Variants in GPRIN3 observed in about 807,000 individuals in gnomAD.
The protein encoded by GPRIN3 is GPRIN family member 3, also known as G protein-regulated inducer of neurite outgrowth 3.
In GPRIN3, 12 loss-of-function variants were observed where a neutral mutation model predicts 13.7. That is an observed-to-expected ratio of 0.87 (90% CI 0.56 to 1.42). GPRIN3 has a LOEUF of 1.42. Among genes scored for constraint, GPRIN3 ranks in the 40% most tolerant of loss-of-function variants. The pLI, the probability that GPRIN3 is intolerant of heterozygous loss-of-function variation, is 0.00. For synonymous variants in GPRIN3, 377 were observed against 372.7 expected, an observed-to-expected ratio of 1.01 and a Z score of -0.13; for missense variants, 1,009 against 958.7, an observed-to-expected ratio of 1.05 and a Z score of -0.69.
At chr4:89,261,825 T>C (rs1723635580) in intron 1 of GPRIN3, among the ~76,000 whole-genome samples, 1 of 152,054 alleles carries the variant, frequency 6.6e-6, no homozygotes, top group African/African-American at 2.4e-5. Flanking sequence ...TAAGAATTGA[T>C]ATGGGGCTGG....
At position 89,247,697 on chromosome 4, in the gene GPRIN3, GC is replaced by G; in HGVS notation, c.*82del. On this transcript the variant is annotated 3_prime_UTR_variant, in exon 2 of 2. Transcript: ENST00000609438. Reference sequence around the variant, plus strand: ...CTTGCTTTTTCTTCCTAGTCTTGCAGCAAAAAACTAAGCAAGCTTTGACATA... The same window carrying G: ...CTTGCTTTTTCTTCCTAGTCTTGCAGAAAAAACTAAGCAAGCTTTGACATA... 1 of 1,398,116 alleles carries G rather than the reference GC, an allele frequency of 7.2e-7. No individual in the cohort carries two copies. The allele number at this position is 1,398,116 out of a possible 1,614,324, so 86.6% of individuals were successfully genotyped here. A position where few individuals can be genotyped will look rare whatever the true frequency, so the allele number is the denominator to read the frequency against.
intron 1 of GPRIN3, among the ~76,000 whole-genome samples, chr4:89,256,516 A>T (rs1723469768): frequency 1.3e-5 from 2 of 152,190 alleles, no homozygotes; most frequent in Admixed American, 1.3e-4. Flanking sequence ...AGCCACGCTG[A>T]TGGGAAGAGC....
Position 89,273,811 on chromosome 4 carries a change from G to A in GPRIN3, c.-123-23578C>T, listed in dbSNP as rs536318814. Among the ~76,000 whole-genome samples the A allele has an allele frequency of 3.3e-5, 5 of 152,334 alleles. No homozygotes were observed. The South Asian group carries it at 1.0e-3, about 32-fold the overall frequency. On this transcript the variant is annotated intron_variant, in intron 1 of 1. Coordinates refer to ENST00000609438, the MANE Select transcript of GPRIN3 (RefSeq NM_198281.3). The stretch of plus-strand genomic sequence containing the variant: ...CTCACGAACCTCCTGGAAATGACCT[G>A]TGTGTACAACACCCATGACTAATAT...
intron 1 of GPRIN3, among the ~76,000 whole-genome samples, chr4:89,278,692 G>T (rs1310823258): frequency 1.3e-5 from 2 of 152,190 alleles, no homozygotes; most frequent in Non-Finnish European, 2.9e-5. Context: ...TATATAGTAG[G>T]TACTGCTATT....
At chr4:89,301,555 A>G (rs1424884983) in intron 1 of GPRIN3, among the ~76,000 whole-genome samples, 1 of 152,238 alleles carries the variant, frequency 6.6e-6, no homozygotes, top group Admixed American at 6.5e-5. Flanking sequence ...TATACATTAT[A>G]AAGAAAGAGA....
At position 89,248,178 on chromosome 4, in the gene GPRIN3, G is replaced by T. The variant is rs1228095331; in HGVS notation, c.1933C>A (p.Gln645Lys). The T allele has an allele frequency of 6.2e-7, 1 of 1,614,134 alleles. No homozygotes were observed. ...PSRVSEFLKE[Q>K]KLNVTAAAAQ... Reference sequence around the variant, plus strand: ...GCAGCTGCTGTCACATTTAACTTTTGCTCCTTGAGGAACTCGCTGACGCGG... The same window carrying T: ...GCAGCTGCTGTCACATTTAACTTTTTCTCCTTGAGGAACTCGCTGACGCGG... Residue 645 changes from glutamine (Q) to lysine (K), a missense_variant, in exon 2 of 2, where the codon CAA becomes AAA. By Grantham distance (53) the Gln-to-Lys change is moderately conservative (BLOSUM62 1). Transcript: ENST00000609438.
chr4:89,263,787 A>G (rs1225905114), intron 1 of GPRIN3, among the ~76,000 whole-genome samples: 3 of 152,346 alleles, frequency 2.0e-5, no homozygotes, highest in Admixed American at 1.3e-4. Flanking sequence ...ACTGAGGCCC[A>G]GAGAATTTCA....
At chr4:89,256,234 A>C (rs1328042809) in intron 1 of GPRIN3, among the ~76,000 whole-genome samples, 1 of 152,174 alleles carries the variant, frequency 6.6e-6, no homozygotes, top group African/African-American at 2.4e-5. Context: ...CTATATATCT[A>C]TATATATCTC....
chr4:89,263,520 T>A (rs987059822), intron 1 of GPRIN3, among the ~76,000 whole-genome samples: 8 of 152,178 alleles, frequency 5.3e-5, no homozygotes, highest in East Asian at 3.9e-4. Flanking sequence ...CAGGAAGCAC[T>A]GTAGCAGGGA....
At chr4:89,262,924 C>T (rs113071917) in intron 1 of GPRIN3, among the ~76,000 whole-genome samples, 16 of 151,996 alleles carry the variant, frequency 1.1e-4, no homozygotes, top group South Asian at 8.3e-4. Context: ...CAAACAACTA[C>T]GAAATTAAGT....
chr4:89,259,577 C>T (rs1723569997), intron 1 of GPRIN3, among the ~76,000 whole-genome samples: 1 of 152,198 alleles, frequency 6.6e-6, no homozygotes, highest in African/African-American at 2.4e-5. Context: ...TCCCAATTTT[C>T]TACAGGATAT....
intron 1 of GPRIN3, among the ~76,000 whole-genome samples, chr4:89,296,120 A>G (rs1724724444): frequency 6.6e-6 from 1 of 152,190 alleles, no homozygotes; most frequent in African/African-American, 2.4e-5. Context: ...TCTGAAAAGC[A>G]GTGCTCTCTA....
At position 89,246,302 on chromosome 4, in the gene GPRIN3, T is replaced by C. The variant is rs1390868142; in HGVS notation, c.*1478A>G. ...CCTCCAGCATCTAAGTCTGGTTTTC[T>C]AAACGCAAAATGGAGACCAGCACTC... On this transcript the variant is annotated 3_prime_UTR_variant, in exon 2 of 2. Transcript: ENST00000609438. 6.6e-6 allele frequency: 1 copy of C among 152,162 alleles called. No individual in the cohort carries two copies. The highest frequency in any genetic ancestry group is 1.5e-5 in the Non-Finnish European group (1 of 68,038). The allele number at this position is 152,162 out of a possible 1,614,324, so 9.4% of individuals were successfully genotyped here.
intron 1 of GPRIN3, among the ~76,000 whole-genome samples, chr4:89,270,850 G>A (rs1423420796): frequency 6.6e-6 from 1 of 151,896 alleles, no homozygotes; most frequent in East Asian, 1.9e-4. Context: ...AAAACAAAAA[G>A]TACTATGCAG....
chr4:89,283,901 G>A (rs1404944462), intron 1 of GPRIN3, among the ~76,000 whole-genome samples: 11 of 152,128 alleles, frequency 7.2e-5, no homozygotes, highest in South Asian at 6.2e-4. Flanking sequence ...GTAAAACTGC[G>A]GGGGGCTTTG....
chr4:89,292,621 C>A (rs1724606335), intron 1 of GPRIN3, among the ~76,000 whole-genome samples: 1 of 152,158 alleles, frequency 6.6e-6, no homozygotes. Context: ...GAAAGGTTCT[C>A]AGAAGACACA....
intron 1 of GPRIN3, among the ~76,000 whole-genome samples, chr4:89,272,824 T>G (rs533371371): frequency 2.0e-5 from 3 of 152,206 alleles, no homozygotes; most frequent in Non-Finnish European, 2.9e-5. Context: ...TTCAATTCTA[T>G]TCCATTTAAA....
At chr4:89,270,600 T>TATATATATATATAA (rs1328112008) in intron 1 of GPRIN3, among the ~76,000 whole-genome samples, 3 of 120,582 alleles carry the variant, frequency 2.5e-5, no homozygotes, top group African/African-American at 1.0e-4. Flanking sequence ...TATATATATA[T>TATATATATATATAA]AAAATATAGA....
intron 1 of GPRIN3, among the ~76,000 whole-genome samples, chr4:89,289,949 C>G (rs1724527236): frequency 6.6e-6 from 1 of 152,084 alleles, no homozygotes; most frequent in Non-Finnish European, 1.5e-5. Context: ...CATTTTGAAA[C>G]ATTGCTTCCC....
Sources: allele counts gnomAD v4.1 joint callset (sites outside exome capture counted in the v4.1 genomes callset), GRCh38; gene constraint gnomAD v4.1.1; transcripts MANE v1.5; gene names NCBI Gene and HGNC (gene_info 2026-07-23, HGNC 2026-07-21).